Variants in LRMDA observed in about 807,000 individuals in gnomAD.
The protein encoded by LRMDA is leucine rich melanocyte differentiation associated.
LRMDA carries 18 observed loss-of-function variants against 29.8 expected under a neutral mutation model. That is an observed-to-expected ratio of 0.60 (90% CI 0.42 to 0.90). LRMDA has a LOEUF of 0.90. Ranked by LOEUF, LRMDA falls within the 40% of genes least tolerant of loss-of-function variation. The pLI, the probability that LRMDA is intolerant of heterozygous loss-of-function variation, is 0.00. For synonymous variants in LRMDA, 125 were observed against 109.4 expected (o/e 1.14, Z -0.89); for missense variants, 273 against 273.9 (o/e 1.00, Z 0.02).
intron 1 of LRMDA, among the ~76,000 whole-genome samples, chr10:75,432,013 G>A (rs930792596): frequency 2.6e-5 from 4 of 152,146 alleles, no homozygotes; most frequent in African/African-American, 9.7e-5. Context: ...TGCCCTTAGC[G>A]CCTCACTGAG....
chr10:76,295,173 G>A (rs117327581), intron 5 of LRMDA, among the ~76,000 whole-genome samples: 1,704 of 152,260 alleles, frequency 0.011, 18 homozygotes, highest in Admixed American at 0.025. Context: ...GGGAAGTTTT[G>A]GCACAATGTA....
At chr10:75,956,508 A>C (rs941551615) in intron 2 of LRMDA, among the ~76,000 whole-genome samples, 2 of 152,072 alleles carry the variant, frequency 1.3e-5, no homozygotes, top group South Asian at 4.2e-4. Flanking sequence ...TGAAACTCAA[A>C]ATGGGAATTG....
intron 2 of LRMDA, among the ~76,000 whole-genome samples, chr10:75,482,998 G>A (rs541680146): frequency 1.3e-5 from 2 of 151,690 alleles, no homozygotes; most frequent in African/African-American, 4.8e-5. Flanking sequence ...AAGCTGGAGT[G>A]CAGTGGCACC....
intron 2 of LRMDA, among the ~76,000 whole-genome samples, chr10:75,818,838 C>T (rs896520208): frequency 2.0e-5 from 3 of 152,138 alleles, no homozygotes; most frequent in Non-Finnish European, 2.9e-5. Flanking sequence ...TTGCAGGGCA[C>T]GTTGAAATCC....
chr10:75,887,394 C>T (rs1564597295), intron 2 of LRMDA, among the ~76,000 whole-genome samples: 1 of 152,010 alleles, frequency 6.6e-6, no homozygotes, highest in African/African-American at 2.4e-5. Flanking sequence ...GAAAATGAGA[C>T]TCTTCTATGA....
At chr10:76,501,216 ATAGCTGTGCAGC>A (rs1203800313) in intron 6 of LRMDA, among the ~76,000 whole-genome samples, 1 of 21,370 alleles carries the variant, frequency 4.7e-5, no homozygotes, top group African/African-American at 7.8e-5. Context: ...CATTATTTGT[ATAGCTGTGCAGC>A]ATTCTAAGGT....
At chr10:76,462,132 A>C (rs996129869) in intron 6 of LRMDA, among the ~76,000 whole-genome samples, 4 of 151,946 alleles carry the variant, frequency 2.6e-5, no homozygotes, top group South Asian at 2.1e-4. Flanking sequence ...TGTGAACAAC[A>C]ACCACCAAAA....
At chr10:75,654,666 T>A (rs571160891) in intron 2 of LRMDA, among the ~76,000 whole-genome samples, 3 of 152,204 alleles carry the variant, frequency 2.0e-5, no homozygotes, top group Non-Finnish European at 2.9e-5. Flanking sequence ...ACCACAGTCA[T>A]ACACAGATGT....
At chr10:76,074,916 TC>T (rs1848933910) in intron 5 of LRMDA, among the ~76,000 whole-genome samples, 1 of 152,182 alleles carries the variant, frequency 6.6e-6, no homozygotes, top group African/African-American at 2.4e-5. Context: ...GTGAGGAGTG[TC>T]CAGGGACCTA....
chr10:75,910,807 G>A (rs56318650), intron 2 of LRMDA, among the ~76,000 whole-genome samples: 4,697 of 152,174 alleles, frequency 0.031, 241 homozygotes, highest in African/African-American at 0.11. Context: ...AGGTGGCCAG[G>A]TCTCATCAAA....
rs1361564915 is a variant in LRMDA at position 76,558,661 on chromosome 10, A to AAGTT, written c.*1375_*1378dup. 4 of 152,226 alleles carry AAGTT rather than the reference A, an allele frequency of 2.6e-5. No homozygotes were observed. Among genetic ancestry groups the AAGTT allele is most frequent in the African/African-American group, 9.7e-5 (4 of 41,450 alleles). 9.4% of individuals were successfully genotyped at this position (152,226 alleles called of 1,614,324 possible). A position where few individuals can be genotyped will look rare whatever the true frequency, so the allele number is the denominator to read the frequency against. ...GCAAAACCTGAAAGAGAATCCCTCCAAGTTATAGATACTGAGGGACTAGGA... is the reference window on the plus strand; with the variant it reads ...GCAAAACCTGAAAGAGAATCCCTCCAAGTTAGTTATAGATACTGAGGGACTAGGA... On this transcript the variant is annotated 3_prime_UTR_variant, in exon 7 of 7. Transcript: ENST00000611255.
chr10:75,444,638 TG>T (rs1215681871), intron 2 of LRMDA, among the ~76,000 whole-genome samples: 9 of 152,192 alleles, frequency 5.9e-5, no homozygotes, highest in African/African-American at 1.7e-4. Flanking sequence ...AATGCATTAG[TG>T]AATGTGAGTC....
intron 2 of LRMDA, among the ~76,000 whole-genome samples, chr10:75,499,196 T>G (rs1845083997): frequency 6.6e-6 from 1 of 152,168 alleles, no homozygotes; most frequent in Admixed American, 6.5e-5. Flanking sequence ...CCAGCTTGCT[T>G]GAGATGTGCA....
At chr10:75,906,258 T>C (rs1209569231) in intron 2 of LRMDA, among the ~76,000 whole-genome samples, 4 of 152,238 alleles carry the variant, frequency 2.6e-5, no homozygotes, top group Non-Finnish European at 5.9e-5. Context: ...TCAGCTTTTT[T>C]AGTTTATCTT....
intron 6 of LRMDA, among the ~76,000 whole-genome samples, chr10:76,482,487 T>G (rs1339516380): frequency 1.3e-5 from 2 of 152,098 alleles, no homozygotes; most frequent in East Asian, 3.9e-4. Flanking sequence ...AAAATTATGT[T>G]TATAAAATTC....
chr10:75,977,271 T>C (rs1323074), intron 2 of LRMDA, among the ~76,000 whole-genome samples: 14,328 of 152,246 alleles, frequency 0.094, 781 homozygotes, highest in East Asian at 0.27. Context: ...AGAGGTTTAA[T>C]TTGCATGTGT....
intron 2 of LRMDA, among the ~76,000 whole-genome samples, chr10:75,807,969 A>G (rs769727423): frequency 1.1e-4 from 17 of 152,160 alleles, no homozygotes; most frequent in African/African-American, 2.9e-4. Context: ...TTGTTGCTCA[A>G]TTGGGTTCCT....
intron 6 of LRMDA, among the ~76,000 whole-genome samples, chr10:76,430,878 T>C (rs1242242847): frequency 6.6e-6 from 1 of 152,194 alleles, no homozygotes; most frequent in East Asian, 1.9e-4. Flanking sequence ...CAAAGCTTTC[T>C]GAGTATTTTT....
chr10:76,145,990 G>A (rs746579869), intron 5 of LRMDA, among the ~76,000 whole-genome samples: 80 of 146,720 alleles, frequency 5.5e-4, no homozygotes, highest in East Asian at 1.0e-3. Context: ...TTTCCATGTA[G>A]TTGAGCGGTT....
Sources: allele counts gnomAD v4.1 joint callset (sites outside exome capture counted in the v4.1 genomes callset), GRCh38; gene constraint gnomAD v4.1.1; transcripts MANE v1.5; gene names NCBI Gene and HGNC (gene_info 2026-07-23, HGNC 2026-07-21).